Variants in EYA4 observed in about 807,000 individuals in gnomAD.
EYA4 encodes the protein protein phosphatase EYA4.
Under a neutral mutation model 87.9 loss-of-function variants are expected in EYA4, and 31 were observed. The ratio of observed to expected loss-of-function variants is 0.35; its 90% confidence interval spans 0.27 to 0.48. The LOEUF (loss-of-function observed/expected upper bound fraction) is 0.48. EYA4 is among the 20% of genes least tolerant of loss of function. The pLI, the probability that EYA4 is intolerant of heterozygous loss-of-function variation, is 0.99. For missense variants in EYA4, 678 were observed against 761.4 expected (o/e 0.89, Z 1.29); for synonymous variants, 263 against 270.6 (o/e 0.97, Z 0.28).
intron 2 of EYA4, among the ~76,000 whole-genome samples, chr6:133,370,053 A>C (rs567150086): frequency 6.6e-6 from 1 of 152,310 alleles, no homozygotes; most frequent in East Asian, 1.9e-4. Flanking sequence ...ACATAACTGC[A>C]CTGCTCCTGG....
chr6:133,529,557 C>T lies in EYA4; in HGVS notation c.*752C>T, dbSNP rs538385030. On this transcript the variant is annotated 3_prime_UTR_variant, in exon 20 of 20. Coordinates refer to ENST00000355286, the MANE Select transcript of EYA4 (RefSeq NM_004100.5). ...AAAAAAAAAAACCTTTGTGATGATTCTTAACATGACCAAATTTAAAAGTCA... is the reference window on the plus strand; with the variant it reads ...AAAAAAAAAAACCTTTGTGATGATTTTTAACATGACCAAATTTAAAAGTCA... The T allele has an allele frequency of 7.2e-6, 7 of 966,824 alleles. No homozygotes were observed. In the South Asian group the frequency reaches 2.9e-4, roughly 40 times the overall value. 59.9% of individuals were successfully genotyped at this position (966,824 alleles called of 1,614,324 possible).
chr6:133,253,107 T>A (rs1470767966), intron 1 of EYA4, among the ~76,000 whole-genome samples: 1 of 152,060 alleles, frequency 6.6e-6, no homozygotes, highest in African/African-American at 2.4e-5. Context: ...TTCTGTTTCC[T>A]AGGTGGAGAA....
intron 2 of EYA4, among the ~76,000 whole-genome samples, chr6:133,341,909 A>T (rs149159457): frequency 1.5e-3 from 226 of 152,280 alleles, no homozygotes; most frequent in Non-Finnish European, 2.6e-3. Flanking sequence ...CATTTTTTCA[A>T]ACTATTTACT....
chr6:133,514,489 G>A (rs372094280), intron 16 of EYA4, among the ~76,000 whole-genome samples: 3 of 152,218 alleles, frequency 2.0e-5, no homozygotes, highest in East Asian at 3.9e-4. Flanking sequence ...TCTGTCATAC[G>A]TGAGCATCTC....
intron 13 of EYA4, among the ~76,000 whole-genome samples, chr6:133,491,995 G>A (rs534814321): frequency 6.7e-6 from 1 of 148,406 alleles, no homozygotes; most frequent in Non-Finnish European, 1.5e-5. Flanking sequence ...AGAAAGCCTG[G>A]GACCCTATGA....
chr6:133,334,176 A>G (rs1582988803), intron 2 of EYA4, among the ~76,000 whole-genome samples: 1 of 152,352 alleles, frequency 6.6e-6, no homozygotes, highest in East Asian at 1.9e-4. Context: ...TTAAACTTAC[A>G]AGACAACAGA....
chr6:133,437,929 G>A (rs1326176641), intron 3 of EYA4, among the ~76,000 whole-genome samples: 1 of 152,136 alleles, frequency 6.6e-6, no homozygotes, highest in African/African-American at 2.4e-5. Context: ...AGATTTGGGT[G>A]GGGACACAAA....
At chr6:133,414,620 T>C (rs560853134) in intron 3 of EYA4, among the ~76,000 whole-genome samples, 1 of 152,290 alleles carries the variant, frequency 6.6e-6, no homozygotes, top group Admixed American at 6.5e-5. Flanking sequence ...CCTGGCTTCC[T>C]CCTTTCTGCA....
At chr6:133,411,696 A>G (rs975906748) in intron 3 of EYA4, among the ~76,000 whole-genome samples, 1 of 152,244 alleles carries the variant, frequency 6.6e-6, no homozygotes, top group East Asian at 1.9e-4. Flanking sequence ...TTTGCATAAT[A>G]TATCAGAGCA....
intron 2 of EYA4, among the ~76,000 whole-genome samples, chr6:133,314,993 T>G (rs552140377): frequency 6.6e-6 from 1 of 152,066 alleles, no homozygotes; most frequent in Non-Finnish European, 1.5e-5. Context: ...CAATACAACT[T>G]TAAGAGAACA....
intron 17 of EYA4, among the ~76,000 whole-genome samples, chr6:133,519,432 A>G (rs1235321246): frequency 6.6e-6 from 1 of 150,612 alleles, no homozygotes; most frequent in Non-Finnish European, 1.5e-5. Context: ...ACACTCTCCC[A>G]AGACTAAACC....
intron 11 of EYA4, among the ~76,000 whole-genome samples, chr6:133,477,864 A>G (rs962120486): frequency 3.3e-5 from 5 of 152,098 alleles, no homozygotes; most frequent in African/African-American, 9.7e-5. Flanking sequence ...ATAAATATAT[A>G]TAATGTTTCA....
Position 133,426,103 on chromosome 6 carries a change from G to A in EYA4, c.84-20527G>A, listed in dbSNP as rs186120440. ...GATTTGAAGCCTTCTTTTATCTCCTGCATACATGTACATTTACAGAAAACT... is the reference window on the plus strand; with the variant it reads ...GATTTGAAGCCTTCTTTTATCTCCTACATACATGTACATTTACAGAAAACT... On this transcript the variant is annotated intron_variant, in intron 3 of 19. Coordinates refer to ENST00000355286, the MANE Select transcript of EYA4 (RefSeq NM_004100.5). Among the ~76,000 whole-genome samples, 14 of 150,866 alleles carry A rather than the reference G, an allele frequency of 9.3e-5. 1 individual carries two copies. The highest frequency in any genetic ancestry group is 3.5e-4 in the African/African-American group (14 of 40,364).
rs1554224993 is a variant in EYA4, at chr6:133,318,632, T to TTAA, written c.33+43821_33+43823dup. Reference sequence around the variant, plus strand: ...TTTTAAGCCATTCTTTTTTTTTTTTTTAATCATCCAGAGTCTCCTGAGCTA... The same window carrying TTAA: ...TTTTAAGCCATTCTTTTTTTTTTTTTTAATAATCATCCAGAGTCTCCTGAGCTA... On this transcript the variant is annotated intron_variant, in intron 2 of 19. Coordinates refer to ENST00000355286, the MANE Select transcript of EYA4 (RefSeq NM_004100.5). Among the ~76,000 whole-genome samples, 6 of 148,860 alleles carry TTAA rather than the reference T, an allele frequency of 4.0e-5. 1 individual carries two copies. The highest frequency in any genetic ancestry group is 1.5e-5 in the Non-Finnish European group (1 of 67,198).
chr6:133,447,706 A>G (rs2128625091), intron 4 of EYA4, among the ~76,000 whole-genome samples: 1 of 152,280 alleles, frequency 6.6e-6, no homozygotes, highest in South Asian at 2.1e-4. Context: ...GTATTTAATA[A>G]TGTTTTACAC....
chr6:133,523,309 C>T (rs1562518551), intron 18 of EYA4, 132 bp downstream of exon 18: 13 of 903,168 alleles, frequency 1.4e-5, no homozygotes, highest in South Asian at 4.2e-5. Context: ...AAGTCCCCTA[C>T]AACTCATTGT....
rs74698676 is a variant in EYA4 at position 133,349,599 on chromosome 6, A to G, written c.34-32793A>G. On this transcript the variant is annotated intron_variant, in intron 2 of 19. Coordinates refer to ENST00000355286, the MANE Select transcript of EYA4 (RefSeq NM_004100.5). ...ATAGCTGGGGCCTATGAGTGAATGT[A>G]TGCTGAAACAAAATGCCTCATGATC... Among the ~76,000 whole-genome samples, 375 of 151,348 alleles carry G rather than the reference A, an allele frequency of 2.5e-3. 1 individual carries two copies. The highest frequency in any genetic ancestry group is 1.9e-3 in the Non-Finnish European group (131 of 68,012).
intron 1 of EYA4, among the ~76,000 whole-genome samples, chr6:133,252,942 A>AACAC (rs3836960): frequency 9.5e-4 from 132 of 138,764 alleles, no homozygotes; most frequent in Non-Finnish European, 1.2e-3. Context: ...GGTACTTGAA[A>AACAC]ACACACACAC....
chr6:133,316,458 T>C (rs958938475), intron 2 of EYA4, among the ~76,000 whole-genome samples: 2 of 152,210 alleles, frequency 1.3e-5, no homozygotes, highest in Admixed American at 6.5e-5. Context: ...TTCTGGGTAG[T>C]GAAGTTGTCT....
Sources: gnomAD v4.1 joint callset for allele counts (sites outside exome capture counted in the v4.1 genomes callset) on GRCh38, gnomAD v4.1.1 for gene constraint, MANE v1.5 for transcripts, NCBI Gene and HGNC (gene_info 2026-07-23, HGNC 2026-07-21) for gene names.